The following XRRA1 variants were observed in gnomAD, a reference collection of about 807,000 sequenced individuals.
XRRA1 encodes the protein X-ray radiation resistance-associated protein 1.
In XRRA1, 69 loss-of-function variants were observed where a neutral mutation model predicts 80.2. That is an observed-to-expected ratio of 0.86 (90% CI 0.71 to 1.05). XRRA1 has a LOEUF of 1.05. XRRA1 is among the 50% of genes least tolerant of loss of function. The probability of loss-of-function intolerance (pLI) is 0.00; values close to 1 mark genes in which losing one functional copy is unlikely to be tolerated. For missense variants in XRRA1, 967 were observed against 976.4 expected (o/e 0.99, Z 0.13); for synonymous variants, 348 against 389.9 (o/e 0.89, Z 1.27).
intron 10 of XRRA1, among the ~76,000 whole-genome samples, chr11:74,904,096 G>A (rs553856963): frequency 1.4e-4 from 21 of 152,080 alleles, no homozygotes; most frequent in Non-Finnish European, 2.5e-4. Context: ...CTAAGAATGA[G>A]GTTCAATCTT....
intron 10 of XRRA1, among the ~76,000 whole-genome samples, chr11:74,880,438 G>C (rs1344564886): frequency 6.7e-6 from 1 of 149,978 alleles, no homozygotes; most frequent in Non-Finnish European, 1.5e-5. Flanking sequence ...ATTTTTTGAA[G>C]GGTTTTTTGT....
At chr11:74,931,657 T>C (rs954955073) in intron 5 of XRRA1, 2 of 152,220 alleles carry the variant, frequency 1.3e-5, no homozygotes, top group African/African-American at 4.8e-5. Flanking sequence ...TGTATAGTAT[T>C]CCATTGTTTG....
chr11:74,878,148 T>C (rs1176160135), intron 10 of XRRA1, among the ~76,000 whole-genome samples: 6 of 151,862 alleles, frequency 4.0e-5, no homozygotes, highest in Admixed American at 3.3e-4. Flanking sequence ...TTTTAATGAT[T>C]GCCATTCTAA....
intron 15 of XRRA1, among the ~76,000 whole-genome samples, chr11:74,847,176 T>C (rs937954923): frequency 3.3e-5 from 5 of 152,180 alleles, no homozygotes; most frequent in Non-Finnish European, 5.9e-5. Context: ...TTCTGAGATA[T>C]TTCTTTAAGA....
At chr11:74,903,651 G>A (rs927455489) in intron 10 of XRRA1, among the ~76,000 whole-genome samples, 5 of 152,064 alleles carry the variant, frequency 3.3e-5, no homozygotes, top group Non-Finnish European at 4.4e-5. Flanking sequence ...TGCAGTGAGC[G>A]GAGATCGCAC....
chr11:74,916,440 C>T (rs900892652), intron 8 of XRRA1, among the ~76,000 whole-genome samples: 2 of 152,014 alleles, frequency 1.3e-5, no homozygotes, highest in African/African-American at 2.4e-5. Context: ...TCTGACTGCT[C>T]GAATCTGCCT....
chr11:74,933,648 A>G, intron 5 of XRRA1, 153 bp downstream of exon 5: 1 of 632,122 alleles, frequency 1.6e-6, no homozygotes, highest in East Asian at 2.8e-5. Flanking sequence ...TTTCAACCCA[A>G]TAAATCCTTG....
chr11:74,843,875 T>C lies in XRRA1; in HGVS notation c.2128A>G (p.Asn710Asp). The change falls in exon 18 of 19, where the codon AAC becomes GAC. Residue 710 changes from asparagine to aspartate, a missense_variant. Transcript: ENST00000684022. ...DIFIRLRDPR[N>D]ITEAPLGAVL... ...GTACCTAGTGGAGCCTCTGTAATGT[T>C]CCGGGGATCCCGCAAGCGAATGAAG... 1 of 1,611,744 alleles carries C rather than the reference T, an allele frequency of 6.2e-7. No homozygotes were observed. The highest frequency in any genetic ancestry group is 8.5e-7 in the Non-Finnish European group (1 of 1,178,986).
chr11:74,947,574 A>G (rs2140144837), intron 1 of XRRA1, among the ~76,000 whole-genome samples: 1 of 152,250 alleles, frequency 6.6e-6, no homozygotes, highest in African/African-American at 2.4e-5. Flanking sequence ...GACTAGGGCA[A>G]TGCTGTATCA....
chr11:74,931,825 G>A (rs915324665), intron 5 of XRRA1: 8 of 152,140 alleles, frequency 5.3e-5, no homozygotes, highest in African/African-American at 1.9e-4. Context: ...TTTATGAGAT[G>A]GTAGCACATT....
chr11:74,866,809 G>A (rs764779533), intron 10 of XRRA1, among the ~76,000 whole-genome samples: 56 of 152,156 alleles, frequency 3.7e-4, no homozygotes, highest in African/African-American at 5.3e-4. Context: ...GAGAAAAAAG[G>A]AAGAAGAATG....
At chr11:74,947,402 T>G (rs898455237) in intron 1 of XRRA1, among the ~76,000 whole-genome samples, 7 of 152,136 alleles carry the variant, frequency 4.6e-5, no homozygotes, top group Non-Finnish European at 7.4e-5. Context: ...GGCATGTGCC[T>G]GTAGTCCCAG....
At chr11:74,894,214 T>C (rs1238942226) in intron 10 of XRRA1, among the ~76,000 whole-genome samples, 1 of 152,048 alleles carries the variant, frequency 6.6e-6, no homozygotes, top group Non-Finnish European at 1.5e-5. Context: ...AAACATCAAG[T>C]ACATATTAAC....
At chr11:74,912,695 A>T (rs1016166538) in intron 8 of XRRA1, among the ~76,000 whole-genome samples, 9 of 152,344 alleles carry the variant, frequency 5.9e-5, no homozygotes, top group African/African-American at 2.2e-4. Flanking sequence ...GTGGGCAAAA[A>T]GTGATTTGAG....
At chr11:74,889,530 C>A (rs1345956423) in intron 10 of XRRA1, among the ~76,000 whole-genome samples, 1 of 152,172 alleles carries the variant, frequency 6.6e-6, no homozygotes. Flanking sequence ...ATCATAATGA[C>A]AGGATCAAAT....
intron 9 of XRRA1, chr11:74,906,875 A>T: frequency 2.2e-6 from 1 of 452,020 alleles, no homozygotes; most frequent in Non-Finnish European, 3.9e-6. Flanking sequence ...CAGGGTCCGA[A>T]TCCTATCTTG....
intron 10 of XRRA1, among the ~76,000 whole-genome samples, chr11:74,884,592 T>G (rs2048552602): frequency 6.6e-6 from 1 of 152,194 alleles, no homozygotes; most frequent in Non-Finnish European, 1.5e-5. Flanking sequence ...AGCAACTTAT[T>G]TCTCTAGGAC....
At chr11:74,847,396 C>T (rs1242484068) in intron 15 of XRRA1, among the ~76,000 whole-genome samples, 1 of 152,160 alleles carries the variant, frequency 6.6e-6, no homozygotes, top group African/African-American at 2.4e-5. Flanking sequence ...ACTCTTCTAG[C>T]CTTATATTAC....
intron 11 of XRRA1, among the ~76,000 whole-genome samples, chr11:74,861,247 G>C (rs2042233181): frequency 6.6e-6 from 1 of 152,250 alleles, no homozygotes; most frequent in Non-Finnish European, 1.5e-5. Flanking sequence ...ACCGGTGCCA[G>C]TCCCTGGCTT....
Sources: gnomAD v4.1 joint callset for allele counts (sites outside exome capture counted in the v4.1 genomes callset) on GRCh38, gnomAD v4.1.1 for gene constraint, MANE v1.5 for transcripts, NCBI Gene and HGNC (gene_info 2026-07-23, HGNC 2026-07-21) for gene names.